The following UBXN11 variants were observed in gnomAD, a reference collection of about 807,000 sequenced individuals.
UBXN11 encodes UBX domain protein 11.
A neutral mutation model predicts 62.8 loss-of-function variants in UBXN11; 47 were observed. That is an observed-to-expected ratio of 0.75 (90% CI 0.59 to 0.95). UBXN11 has a LOEUF of 0.95. UBXN11 is among the 40% of genes least tolerant of loss of function. UBXN11 has a pLI of 0.00. For missense variants in UBXN11, 638 were observed against 661.7 expected (o/e 0.96, Z 0.39); for synonymous variants, 294 against 267.0 (o/e 1.10, Z -0.99).
At chr1:26,311,556 C>T (rs901066219), upstream of UBXN11, among the ~76,000 whole-genome samples, 2 of 151,996 alleles carry the variant, frequency 1.3e-5, no homozygotes, top group African/African-American at 4.8e-5. Context: ...GACTCTTCTG[C>T]CTCAGCCTCC....
chr1:26,309,539 G>C (rs2073718861), upstream of UBXN11, among the ~76,000 whole-genome samples: 1 of 151,978 alleles, frequency 6.6e-6, no homozygotes, highest in Non-Finnish European at 1.5e-5. Context: ...TGCCCTTCTG[G>C]TTTGATTTTT....
chr1:26,310,277 C>A (rs976256486), upstream of UBXN11, among the ~76,000 whole-genome samples: 1 of 152,136 alleles, frequency 6.6e-6, no homozygotes, highest in African/African-American at 2.4e-5. Flanking sequence ...GTGGCTCATG[C>A]CTGTAATCCC....
At chr1:26,302,355 T>G (rs2073557475) in intron 2 of UBXN11, among the ~76,000 whole-genome samples, 1 of 104,984 alleles carries the variant, frequency 9.5e-6, no homozygotes. Flanking sequence ...GAGCGAGACT[T>G]GGTCTTTAAA....
At chr1:26,294,889 G>A (rs1310203120) in intron 7 of UBXN11, among the ~76,000 whole-genome samples, 1 of 152,150 alleles carries the variant, frequency 6.6e-6, no homozygotes, top group East Asian at 1.9e-4. Flanking sequence ...GCTGCCAAGC[G>A]CATGGGCACA....
Position 26,294,303 on chromosome 1 carries a change from C to T in UBXN11, c.461G>A (p.Trp154Ter). The stretch of plus-strand genomic sequence containing the variant: ...CTCCTGGTCCATGGGCTCGCCCACC[C>T]ACTGCAGGCCATAGTCACTGAGGAA... The part of the protein sequence containing the change: ...ERFLSDYGLQ[W>*]VGEPMDQEDS... Residue 154 changes from tryptophan (W) to a stop codon, truncating the protein, a stop_gained, in exon 8 of 15, where the codon TGG becomes TAG. Coordinates refer to ENST00000374222, the MANE Select transcript of UBXN11 (RefSeq NM_001389556.1). LOFTEE classifies it high-confidence loss of function. 1 of 1,614,136 alleles carries T rather than the reference C, an allele frequency of 6.2e-7. No individual in the cohort carries two copies. Among genetic ancestry groups the T allele is most frequent in the Non-Finnish European group, 8.5e-7 (1 of 1,179,992 alleles).
At chr1:26,298,530 G>A (rs1384912285) in intron 4 of UBXN11, among the ~76,000 whole-genome samples, 3 of 152,188 alleles carry the variant, frequency 2.0e-5, no homozygotes, top group African/African-American at 7.2e-5. Flanking sequence ...GGTGGCTCAT[G>A]CCTGTAATCC....
chr1:26,289,562 GCT>G (rs1401654327), intron 8 of UBXN11, among the ~76,000 whole-genome samples: 1 of 152,142 alleles, frequency 6.6e-6, no homozygotes, highest in Non-Finnish European at 1.5e-5. Flanking sequence ...GTTGGATCCT[GCT>G]TTCCAGAAAT....
intron 1 of UBXN11, among the ~76,000 whole-genome samples, chr1:26,312,167 A>C (rs1410602506): frequency 6.6e-6 from 1 of 151,956 alleles, no homozygotes; most frequent in South Asian, 2.1e-4. Flanking sequence ...CCCCTCCCCC[A>C]TGAAATCATC....
At chr1:26,300,836 G>T in intron 4 of UBXN11, 90 bp downstream of exon 4, 1 of 1,593,024 alleles carries the variant, frequency 6.3e-7, no homozygotes. Flanking sequence ...AAACAGGCGA[G>T]AGGAAGGGCC....
chr1:26,282,930 C>T lies in UBXN11; in HGVS notation c.1085G>A (p.Cys362Tyr). The change falls in exon 13 of 15, where the codon TGC (cysteine) becomes TAC (tyrosine). Residue 362 changes from cysteine to tyrosine, a missense_variant. By Grantham distance (194) the Cys-to-Tyr change is radical. Coordinates refer to ENST00000374222, the MANE Select transcript of UBXN11 (RefSeq NM_001389556.1). The stretch of plus-strand genomic sequence containing the variant: ...CTCCTGGATCCGGGCAGGCAATGGG[C>T]AGCAGTTCTGGAAGGTATCAGTGGA... ...GPIRDTLQNC[C>Y]PLPARIQEIV... 6.2e-7 allele frequency: 1 copy of T among 1,614,170 alleles called. No individual in the cohort carries two copies. The highest frequency in any genetic ancestry group is 8.5e-7 in the Non-Finnish European group (1 of 1,180,036).
At chr1:26,304,188 T>C (rs2073606895) in intron 1 of UBXN11, among the ~76,000 whole-genome samples, 1 of 152,214 alleles carries the variant, frequency 6.6e-6, no homozygotes, top group Non-Finnish European at 1.5e-5. Context: ...ATGCCTTCAC[T>C]GCAGAGTTTG....
chr1:26,282,579 AGGCAGAGCAGATCAGGCTG>A lies in UBXN11; in HGVS notation c.1293-29_1293-11del. ...AGAGGCATCCATGACCCTGGGGACC[AGGCAGAGCAGATCAGGCTG>A]GGCAGTGGGACCAGAGCCCCTCTGT... On this transcript the variant is annotated splice_polypyrimidine_tract_variant and intron_variant, in intron 14 of 14. Coordinates refer to ENST00000374222, the MANE Select transcript of UBXN11 (RefSeq NM_001389556.1). 3.1e-6 allele frequency: 5 copies of A among 1,608,798 alleles called. No individual in the cohort carries two copies. Among genetic ancestry groups the A allele is most frequent in the Non-Finnish European group, 3.4e-6 (4 of 1,176,532 alleles).
intron 2 of UBXN11, among the ~76,000 whole-genome samples, chr1:26,302,522 C>T (rs924916450): frequency 6.6e-6 from 1 of 152,090 alleles, no homozygotes. Flanking sequence ...AGGATAGGTC[C>T]GTAGACCATC....
intron 11 of UBXN11, 44 bp downstream of exon 11, chr1:26,284,318 T>TGCAGTCCC (rs1386434866): frequency 6.2e-7 from 1 of 1,613,436 alleles, no homozygotes; most frequent in Middle Eastern, 1.7e-4. Flanking sequence ...GAGTTTGTTC[T>TGCAGTCCC]GCAGTCCCCC....
chr1:26,304,296 ACCCTGCCCCAGC>A (rs994360841), intron 1 of UBXN11, among the ~76,000 whole-genome samples: 81 of 151,934 alleles, frequency 5.3e-4, no homozygotes, highest in African/African-American at 1.9e-3. Flanking sequence ...ATCTGTCCCC[ACCCTGCCCCAGC>A]CCCTGCCCTG....
At chr1:26,285,033 C>T (rs542906288) in intron 10 of UBXN11, 2 of 1,005,830 alleles carry the variant, frequency 2.0e-6, no homozygotes, top group South Asian at 8.1e-5. Context: ...GTGGCACCTA[C>T]CCATGGGGCC....
rs762899407 is a variant in UBXN11, at chr1:26,298,113, T to C, written c.200-51A>G. 1.0e-5 allele frequency: 16 copies of C among 1,573,050 alleles called. No homozygotes were observed. The African/African-American group carries it at 1.9e-4, about 19-fold the overall frequency. ...GCCCAGACCTAGAGCCGAGGCTGAG[T>C]TGTGGGGGGGAGGGAGGAGGATAGG... On this transcript the variant is annotated intron_variant, in intron 4 of 14. Coordinates refer to ENST00000374222, the MANE Select transcript of UBXN11 (RefSeq NM_001389556.1).
chr1:26,287,393 A>G (rs1403698936), intron 8 of UBXN11, among the ~76,000 whole-genome samples: 1 of 152,094 alleles, frequency 6.6e-6, no homozygotes, highest in East Asian at 1.9e-4. Context: ...AACAGAGCAG[A>G]AAGGTGGAGG....
intron 1 of UBXN11, 38 bp from the exon 2 acceptor site, chr1:26,302,956 T>TTC: frequency 6.8e-7 from 1 of 1,478,482 alleles, no homozygotes; most frequent in Non-Finnish European, 9.4e-7. Flanking sequence ...GGGGACAGAC[T>TTC]CAGGGCTCCA....
Sources: gnomAD v4.1 joint callset for allele counts (sites outside exome capture counted in the v4.1 genomes callset) on GRCh38, gnomAD v4.1.1 for gene constraint, MANE v1.5 for transcripts, NCBI Gene and HGNC (gene_info 2026-07-23, HGNC 2026-07-21) for gene names.